The following FILIP1L variants were observed in gnomAD, a reference collection of about 807,000 sequenced individuals.
The protein encoded by FILIP1L is filamin A interacting protein 1 like, also known as filamin A-interacting protein 1-like.
A neutral mutation model predicts 96.6 loss-of-function variants in FILIP1L; 55 were observed. That is an observed-to-expected ratio of 0.57 (90% CI 0.46 to 0.71). The LOEUF (loss-of-function observed/expected upper bound fraction) is 0.71. FILIP1L is among the 30% of genes least tolerant of loss of function. FILIP1L has a pLI of 0.00. For synonymous variants in FILIP1L, 467 were observed against 473.9 expected (o/e 0.99, Z 0.19); for missense variants, 1,304 against 1,321.2 (o/e 0.99, Z 0.20).
intron 1 of FILIP1L, among the ~76,000 whole-genome samples, chr3:100,064,398 C>CT (rs527292402): frequency 2.4e-3 from 346 of 146,010 alleles, no homozygotes; most frequent in African/African-American, 7.0e-3. Context: ...CCCCAACACC[C>CT]TTTTTTTTTT....
chr3:99,889,924 A>G (rs567278542), intron 4 of FILIP1L, among the ~76,000 whole-genome samples: 2 of 152,148 alleles, frequency 1.3e-5, no homozygotes, highest in South Asian at 4.2e-4. Flanking sequence ...ATAATCTATT[A>G]TTGTTCTATT....
chr3:99,922,722 G>C (rs1707163484), intron 4 of FILIP1L, among the ~76,000 whole-genome samples: 1 of 152,154 alleles, frequency 6.6e-6, no homozygotes, highest in South Asian at 2.1e-4. Flanking sequence ...TGCTTATACT[G>C]TCTACAGTGG....
chr3:99,902,311 A>G (rs1358694745), intron 4 of FILIP1L, among the ~76,000 whole-genome samples: 1 of 152,192 alleles, frequency 6.6e-6, no homozygotes. Flanking sequence ...GCACCTGGGA[A>G]AGAGTCAGTG....
intron 1 of FILIP1L, among the ~76,000 whole-genome samples, chr3:100,099,937 T>C (rs1033915043): frequency 6.6e-6 from 1 of 152,114 alleles, no homozygotes. Flanking sequence ...CACAGTGTTA[T>C]AAAGATCATC....
intron 1 of FILIP1L, among the ~76,000 whole-genome samples, chr3:100,037,268 T>TA (rs1559734866): frequency 6.6e-6 from 1 of 152,186 alleles, no homozygotes; most frequent in African/African-American, 2.4e-5. Context: ...GTCTGCAACT[T>TA]ACTCAGATGG....
intron 5 of FILIP1L, among the ~76,000 whole-genome samples, chr3:99,830,921 T>C (rs371844449): frequency 2.0e-5 from 3 of 152,310 alleles, no homozygotes; most frequent in African/African-American, 7.2e-5. Context: ...AGCCATGAGA[T>C]TGCCAGAGAA....
chr3:99,832,011 C>A (rs1225072102), intron 5 of FILIP1L, among the ~76,000 whole-genome samples: 3 of 152,196 alleles, frequency 2.0e-5, no homozygotes, highest in African/African-American at 7.2e-5. Context: ...TTGAGCAACA[C>A]TGATACGTGT....
chr3:99,978,567 A>G (rs572668400), intron 1 of FILIP1L, among the ~76,000 whole-genome samples: 122 of 152,348 alleles, frequency 8.0e-4, no homozygotes, highest in African/African-American at 2.7e-3. Flanking sequence ...ATTCTCATTC[A>G]TATGTGGAAG....
intron 5 of FILIP1L, among the ~76,000 whole-genome samples, chr3:99,842,599 A>G (rs1309718317): frequency 6.6e-6 from 1 of 152,178 alleles, no homozygotes; most frequent in Non-Finnish European, 1.5e-5. Context: ...CTAAAATAAG[A>G]AAACTAGTTT....
At chr3:99,978,424 A>T (rs946534647) in intron 1 of FILIP1L, among the ~76,000 whole-genome samples, 1 of 152,234 alleles carries the variant, frequency 6.6e-6, no homozygotes, top group African/African-American at 2.4e-5. Context: ...AAAATGTGGT[A>T]TATCTACACA....
At chr3:99,885,443 C>T (rs1296986154) in intron 4 of FILIP1L, among the ~76,000 whole-genome samples, 2 of 152,194 alleles carry the variant, frequency 1.3e-5, no homozygotes, top group Non-Finnish European at 2.9e-5. Flanking sequence ...ATAATTATGA[C>T]TAGCCCAATT....
At chr3:99,854,743 T>C (rs1266103101) in intron 4 of FILIP1L, among the ~76,000 whole-genome samples, 1 of 152,200 alleles carries the variant, frequency 6.6e-6, no homozygotes, top group Non-Finnish European at 1.5e-5. Flanking sequence ...GTTTGTGGCA[T>C]GTGTGTATGT....
At chr3:100,058,730 C>T (rs1234327477) in intron 1 of FILIP1L, among the ~76,000 whole-genome samples, 1 of 152,242 alleles carries the variant, frequency 6.6e-6, no homozygotes, top group Non-Finnish European at 1.5e-5. Context: ...GACTGTCCCA[C>T]TCAGAGGCTT....
intron 1 of FILIP1L, among the ~76,000 whole-genome samples, chr3:99,991,278 A>G (rs1709503262): frequency 6.6e-6 from 1 of 152,224 alleles, no homozygotes; most frequent in Non-Finnish European, 1.5e-5. Flanking sequence ...CTGTTTGTGA[A>G]GTGTGAGGCC....
intron 4 of FILIP1L, among the ~76,000 whole-genome samples, chr3:99,899,861 G>A (rs1460160934): frequency 6.6e-6 from 1 of 152,150 alleles, no homozygotes; most frequent in Admixed American, 6.5e-5. Context: ...CTTCCTCATA[G>A]GGTTGTTATA....
intron 1 of FILIP1L, among the ~76,000 whole-genome samples, chr3:99,985,382 A>G (rs1559714599): frequency 6.6e-6 from 1 of 152,034 alleles, no homozygotes; most frequent in Non-Finnish European, 1.5e-5. Flanking sequence ...AAATAGAAAA[A>G]TTAGCTGGGC....
At chr3:99,932,767 T>A (rs1219729426) in intron 1 of FILIP1L, among the ~76,000 whole-genome samples, 1 of 152,184 alleles carries the variant, frequency 6.6e-6, no homozygotes, top group African/African-American at 2.4e-5. Context: ...GGCACACACC[T>A]GTAATCCCAG....
chr3:100,016,444 G>T (rs1360528192), intron 1 of FILIP1L, among the ~76,000 whole-genome samples: 1 of 152,142 alleles, frequency 6.6e-6, no homozygotes, highest in Non-Finnish European at 1.5e-5. Flanking sequence ...ACCCACCTCG[G>T]AAAGTGCTGG....
At chr3:99,872,008 TA>T (rs1944813186) in intron 4 of FILIP1L, among the ~76,000 whole-genome samples, 1 of 152,192 alleles carries the variant, frequency 6.6e-6, no homozygotes, top group Admixed American at 6.5e-5. Context: ...TAATGGATTT[TA>T]TATCTAAATT....
Sources: gnomAD v4.1 joint callset for allele counts (sites outside exome capture counted in the v4.1 genomes callset) on GRCh38, gnomAD v4.1.1 for gene constraint, MANE v1.5 for transcripts, NCBI Gene and HGNC (gene_info 2026-07-23, HGNC 2026-07-21) for gene names.